Variants in REC114 observed in about 807,000 individuals in gnomAD.
REC114 encodes meiotic recombination protein REC114.
A neutral mutation model predicts 31.3 loss-of-function variants in REC114; 27 were observed. The ratio of observed to expected loss-of-function variants is 0.86; its 90% CI spans 0.64 to 1.19. REC114 has a LOEUF of 1.19. Ranked by LOEUF, REC114 falls within the 50% of genes most tolerant of loss-of-function variation. The pLI, the probability that REC114 is intolerant of heterozygous loss-of-function variation, is 0.00. For synonymous variants in REC114, 134 were observed against 127.7 expected, an observed-to-expected ratio of 1.05 and a Z score of -0.33; for missense variants, 344 against 326.9, an observed-to-expected ratio of 1.05 and a Z score of -0.40.
chr15:73,471,749 A>T (rs1429296042), intron 1 of REC114, among the ~76,000 whole-genome samples: 7 of 152,178 alleles, frequency 4.6e-5, no homozygotes, highest in Admixed American at 4.6e-4. Context: ...ATTTGTAGTG[A>T]ACCTAAACTG....
chr15:73,514,624 T>C (rs1439679366), intron 2 of REC114, among the ~76,000 whole-genome samples: 1 of 152,178 alleles, frequency 6.6e-6, no homozygotes, highest in Non-Finnish European at 1.5e-5. Context: ...ATGGGCAACA[T>C]TAAAGTAATG....
chr15:73,512,932 C>T (rs916350716), intron 2 of REC114, among the ~76,000 whole-genome samples: 1 of 151,686 alleles, frequency 6.6e-6, no homozygotes, highest in East Asian at 1.9e-4. Flanking sequence ...CTTGGAGTTG[C>T]TCTTCTCGAG....
chr15:73,463,775 C>T (rs1185367689), intron 1 of REC114, among the ~76,000 whole-genome samples: 2 of 151,396 alleles, frequency 1.3e-5, no homozygotes, highest in African/African-American at 2.4e-5. Flanking sequence ...GAGCCAAGAT[C>T]GTGCCACTGC....
intron 2 of REC114, among the ~76,000 whole-genome samples, chr15:73,491,218 G>C (rs574439246): frequency 1.8e-4 from 24 of 133,272 alleles, no homozygotes; most frequent in Admixed American, 1.1e-3. Flanking sequence ...TTAATTTTGT[G>C]TATTATCTTT....
In REC114 at chr15:73,490,418, TA is replaced by T. The variant is rs1404097266; in HGVS notation, c.249+16499del. Among the ~76,000 whole-genome samples the T allele has an allele frequency of 1.5e-3, 222 of 152,284 alleles. 1 individual carries two copies. The highest frequency in any genetic ancestry group is 1.5e-3 in the Non-Finnish European group (101 of 68,024). The stretch of plus-strand genomic sequence containing the variant: ...TTATTAGAGTACAATTTATATATAA[TA>T]ATAAAGTATCTGGGCGCAGTGGCCC... On this transcript the variant is annotated intron_variant, in intron 2 of 5. Transcript: ENST00000331090.
chr15:73,494,223 G>C (rs1011803664), intron 2 of REC114, among the ~76,000 whole-genome samples: 4 of 152,026 alleles, frequency 2.6e-5, no homozygotes, highest in Non-Finnish European at 5.9e-5. Context: ...TTTTCATTTT[G>C]ATAAGATGAA....
chr15:73,514,942 T>C (rs1283727934), intron 2 of REC114, among the ~76,000 whole-genome samples: 1 of 151,550 alleles, frequency 6.6e-6, no homozygotes, highest in African/African-American at 2.4e-5. Context: ...TTTTTTTTTT[T>C]TTTTTTTGAG....
intron 2 of REC114, among the ~76,000 whole-genome samples, chr15:73,494,286 C>T (rs1034947244): frequency 4.6e-5 from 7 of 151,988 alleles, no homozygotes; most frequent in African/African-American, 7.2e-5. Flanking sequence ...TGCAGTGAGC[C>T]GAGATCTCGC....
chr15:73,540,664 G>A, intron 3 of REC114, 96 bp downstream of exon 3: 1 of 1,024,860 alleles, frequency 9.8e-7, no homozygotes, highest in Non-Finnish European at 1.5e-6. Context: ...ACGGGTACTG[G>A]GAAGAATACA....
At chr15:73,485,664 A>G (rs1007868891) in intron 2 of REC114, among the ~76,000 whole-genome samples, 1 of 152,206 alleles carries the variant, frequency 6.6e-6, no homozygotes, top group Non-Finnish European at 1.5e-5. Flanking sequence ...CTCCTGCTTC[A>G]CCTTCTTTAA....
At chr15:73,486,057 C>T (rs1248338685) in intron 2 of REC114, among the ~76,000 whole-genome samples, 1 of 152,150 alleles carries the variant, frequency 6.6e-6, no homozygotes, top group Non-Finnish European at 1.5e-5. Context: ...GCTGATTACT[C>T]AACTGGAAGA....
chr15:73,497,437 A>G (rs181795661), intron 2 of REC114, among the ~76,000 whole-genome samples: 9 of 152,268 alleles, frequency 5.9e-5, no homozygotes, highest in South Asian at 2.1e-4. Context: ...CATCACTATC[A>G]TTATCTATCA....
rs1894160502 is a variant in REC114, at chr15:73,536,653, T to C, written c.250-3832T>C. 2.0e-5 allele frequency among the ~76,000 whole-genome samples: 3 copies of C among 152,142 alleles called. No individual in the cohort carries two copies. The South Asian group carries it at 6.2e-4, about 32-fold the overall frequency. ...GGATTTTCACAGCAAGGCAGATCAG[T>C]TATTGAAATTTATGTATGGCAAGTG... is the stretch of plus-strand genomic sequence containing the variant. On this transcript the variant is annotated intron_variant, in intron 2 of 5. Transcript: ENST00000331090.
chr15:73,493,247 T>G (rs1369656706), intron 2 of REC114, among the ~76,000 whole-genome samples: 1 of 152,142 alleles, frequency 6.6e-6, no homozygotes, highest in Non-Finnish European at 1.5e-5. Context: ...GCTTATTCTT[T>G]TATTTCTTCA....
intron 3 of REC114, among the ~76,000 whole-genome samples, chr15:73,550,658 A>T (rs892104023): frequency 2.0e-5 from 3 of 152,226 alleles, no homozygotes; most frequent in South Asian, 4.1e-4. Context: ...ACTGATCTGC[A>T]ATCAGTATAG....
At chr15:73,506,787 G>A (rs1017294366) in intron 2 of REC114, among the ~76,000 whole-genome samples, 1 of 152,174 alleles carries the variant, frequency 6.6e-6, no homozygotes, top group African/African-American at 2.4e-5. Context: ...AGCAATACAA[G>A]TCTGAGAGAA....
intron 2 of REC114, among the ~76,000 whole-genome samples, chr15:73,490,951 T>C (rs1010280918): frequency 6.6e-6 from 1 of 152,200 alleles, no homozygotes; most frequent in African/African-American, 2.4e-5. Flanking sequence ...TGTGCTCTTT[T>C]TGTGTCTAGC....
intron 2 of REC114, among the ~76,000 whole-genome samples, chr15:73,530,419 T>C (rs1894061519): frequency 6.6e-6 from 1 of 152,190 alleles, no homozygotes; most frequent in African/African-American, 2.4e-5. Flanking sequence ...CCCATCACTT[T>C]GGGAGGCCCA....
At chr15:73,445,166 A>G (rs1892748509) in intron 1 of REC114, among the ~76,000 whole-genome samples, 1 of 152,210 alleles carries the variant, frequency 6.6e-6, no homozygotes. Context: ...CATTGGCTTC[A>G]ATTTAGAGTC....
Sources: gnomAD v4.1 joint callset for allele counts (sites outside exome capture counted in the v4.1 genomes callset) on GRCh38, gnomAD v4.1.1 for gene constraint, MANE v1.5 for transcripts, NCBI Gene and HGNC (gene_info 2026-07-23, HGNC 2026-07-21) for gene names.